The following PSTPIP1 variants were observed in gnomAD, a reference collection of about 807,000 sequenced individuals.
PSTPIP1 encodes proline-serine-threonine phosphatase interacting protein 1.
Under a neutral mutation model 69.6 loss-of-function variants are expected in PSTPIP1, and 66 were observed. That is an observed-to-expected ratio of 0.95 (90% CI 0.78 to 1.16). The LOEUF (loss-of-function observed/expected upper bound fraction) is 1.16. PSTPIP1 is among the 50% of genes most tolerant of loss of function. PSTPIP1 has a pLI of 0.00. For synonymous variants in PSTPIP1, 266 were observed against 222.7 expected, an observed-to-expected ratio of 1.19 and a Z score of -1.73; for missense variants, 603 against 557.4, an observed-to-expected ratio of 1.08 and a Z score of -0.82.
chr15:77,006,323 T>C (rs767080141), intron 1 of PSTPIP1, among the ~76,000 whole-genome samples: 1 of 152,226 alleles, frequency 6.6e-6, no homozygotes, highest in Non-Finnish European at 1.5e-5. Context: ...TGTCTTTTTA[T>C]TGTTGAGTTG....
chr15:77,001,747 G>T (rs188467602), intron 1 of PSTPIP1, among the ~76,000 whole-genome samples: 14 of 152,332 alleles, frequency 9.2e-5, no homozygotes, highest in African/African-American at 3.1e-4. Flanking sequence ...TCGGCAACCC[G>T]TTGTGAAAAG....
At chr15:77,025,215 G>A in intron 3 of PSTPIP1, 69 bp from the exon 4 acceptor site, 1 of 1,516,910 alleles carries the variant, frequency 6.6e-7, no homozygotes, top group Non-Finnish European at 9.2e-7. Flanking sequence ...CACCCCGCCG[G>A]GAGGCAGCCT....
intron 3 of PSTPIP1, among the ~76,000 whole-genome samples, chr15:77,024,799 A>T (rs1031686274): frequency 2.7e-5 from 4 of 150,484 alleles, no homozygotes; most frequent in Non-Finnish European, 4.4e-5. Flanking sequence ...CTGCCCTGCT[A>T]GCCTCTCCCA....
At position 77,027,612 on chromosome 15, in the gene PSTPIP1, C is replaced by T; in HGVS notation, c.355-240C>T. ...GGGAACTCCCCAGCTGGAGACGAAG[C>T]TCTGGCCAAGGTCTGCAGCAAGGAC... On this transcript the variant is annotated intron_variant, in intron 5 of 14. Coordinates refer to ENST00000558012, the MANE Select transcript of PSTPIP1 (RefSeq NM_003978.5). The surrounding 1 kb of genome is among the most constrained non-coding windows in gnomAD (Gnocchi z 4.3). The T allele has an allele frequency of 1.8e-6, 1 of 547,364 alleles. No individual in the cohort carries two copies. Among genetic ancestry groups the T allele is most frequent in the Admixed American group, 2.6e-5 (1 of 38,674 alleles). 33.9% of individuals were successfully genotyped at this position (547,364 alleles called of 1,614,324 possible).
Position 77,032,353 on chromosome 15 carries a change from A to C in PSTPIP1, c.797A>C (p.Asp266Ala). Residue 266 changes from aspartate to alanine, a missense_variant, in exon 11 of 15, where the codon GAC (aspartate) becomes GCC (alanine). Asp to Ala is a moderately radical substitution (Grantham distance 126). Transcript: ENST00000558012. ...LEGCSIDADIDSFIQAKSTGT... is the reference protein window; with the variant it reads ...LEGCSIDADIASFIQAKSTGT... ...GGCTGCAGCATAGACGCCGACATCG[A>C]CAGTTTCATCCAGGCCAAGAGCACG... 1.2e-6 allele frequency: 2 copies of C among 1,612,672 alleles called. No homozygotes were observed. Among genetic ancestry groups the C allele is most frequent in the Non-Finnish European group, 1.7e-6 (2 of 1,179,788 alleles).
upstream of PSTPIP1, chr15:76,995,114 G>C: frequency 3.4e-6 from 4 of 1,177,720 alleles, no homozygotes; most frequent in Admixed American, 3.9e-5. Flanking sequence ...CCTGCCCCGG[G>C]GGAGGTTGCA....
rs2076557282 is a variant in PSTPIP1 at position 77,035,890 on chromosome 15, C to T, written c.1074C>T (p.Ala358=). 3 of 1,610,234 alleles carry T rather than the reference C, an allele frequency of 1.9e-6. No homozygotes were observed. The highest frequency in any genetic ancestry group is 2.5e-6 in the Non-Finnish European group (3 of 1,179,430). ...IAVQEIQGNP[A]SPAQEYRALY... is the part of the protein sequence containing the mutation. The stretch of plus-strand genomic sequence containing the variant: ...TGCAGGAGATACAGGGAAACCCGGC[C>T]TCACCAGCCCAGGAGTACCGGGCGC... Residue 358 remains alanine, a synonymous_variant, in exon 14 of 15, where the codon GCC becomes GCT. Transcript: ENST00000558012.
intron 12 of PSTPIP1, 53 bp downstream of exon 12, chr15:77,033,005 C>T (rs1426246163): frequency 1.3e-5 from 20 of 1,515,064 alleles, no homozygotes; most frequent in Admixed American, 7.7e-5. Context: ...GGAAGTGGGT[C>T]GAGCCCCTCC....
intron 8 of PSTPIP1, 30 bp from the exon 9 acceptor site, chr15:77,030,472 G>A (rs1185660322): frequency 6.2e-7 from 1 of 1,605,752 alleles, no homozygotes; most frequent in Non-Finnish European, 8.5e-7. Context: ...CTCGTGTCAG[G>A]GCCCTCCCTG....
At chr15:77,005,726 G>C (rs1351184357) in intron 1 of PSTPIP1, among the ~76,000 whole-genome samples, 1 of 152,184 alleles carries the variant, frequency 6.6e-6, no homozygotes, top group Non-Finnish European at 1.5e-5. Context: ...TCTCCTGTAA[G>C]TAGAATCAGA....
At position 77,013,999 on chromosome 15, in the gene PSTPIP1, G is replaced by A. The variant is rs75070428; in HGVS notation, c.37-4149G>A. Among the ~76,000 whole-genome samples the A allele has an allele frequency of 7.0e-3, 1,070 of 152,320 alleles. 17 individuals are homozygous for A. The highest frequency in any genetic ancestry group is 0.025 in the African/African-American group (1,023 of 41,564). Reference sequence around the variant, plus strand: ...CAGCTGAGGGAAGGTGTTTCTGGTCGGGGAGGTGGCAGGCAGGCGGGGAGG... The same window carrying A: ...CAGCTGAGGGAAGGTGTTTCTGGTCAGGGAGGTGGCAGGCAGGCGGGGAGG... On this transcript the variant is annotated intron_variant, in intron 1 of 14. Transcript: ENST00000558012.
At position 77,031,309 on chromosome 15, in the gene PSTPIP1, G is replaced by GGT. The variant is rs104895417; in HGVS notation, c.741+32_741+33dup. ...GGCTGAGGGCCTTGGTGTGGGGTAA[G>GGT]GTAGGGCAGCCTCTAGGCAGCAAAG... On this transcript the variant is annotated intron_variant, in intron 10 of 14. Coordinates refer to ENST00000558012, the MANE Select transcript of PSTPIP1 (RefSeq NM_003978.5). 4.2e-3 allele frequency: 6,735 copies of GGT among 1,604,236 alleles called. 25 individuals are homozygous for GGT. The highest frequency in any genetic ancestry group is 5.4e-3 in the Admixed American group (325 of 59,910).
rs746472992 is a variant in PSTPIP1, at chr15:77,018,050, G to A, written c.37-98G>A. On this transcript the variant is annotated intron_variant, in intron 1 of 14. Transcript: ENST00000558012. ...CTGAGCAGGGGAGATGGAGGCAGGA[G>A]GGAGGCTGTTCCCAGAGATGGTGGG... The A allele has an allele frequency of 2.3e-5, 29 of 1,234,304 alleles. 1 individual carries two copies. The highest frequency in any genetic ancestry group is 3.1e-5 in the Non-Finnish European group (27 of 875,684). 76.5% of individuals were successfully genotyped at this position (1,234,304 alleles called of 1,614,324 possible).
At chr15:77,024,984 C>G (rs969226740) in intron 3 of PSTPIP1, among the ~76,000 whole-genome samples, 1 of 152,156 alleles carries the variant, frequency 6.6e-6, no homozygotes, top group Non-Finnish European at 1.5e-5. Context: ...AGACAATCCC[C>G]TCTTCTCTAA....
intron 1 of PSTPIP1, among the ~76,000 whole-genome samples, chr15:77,009,379 C>G (rs998388083): frequency 6.6e-6 from 1 of 152,202 alleles, no homozygotes; most frequent in Non-Finnish European, 1.5e-5. Flanking sequence ...CCCAGGGGAG[C>G]CTGCCAGCCC....
At chr15:77,022,642 T>A (rs1306058600) in intron 3 of PSTPIP1, among the ~76,000 whole-genome samples, 1 of 152,208 alleles carries the variant, frequency 6.6e-6, no homozygotes, top group Non-Finnish European at 1.5e-5. Context: ...GGCTGTTCAC[T>A]TTGGGGGTTC....
intron 1 of PSTPIP1, 133 bp from the exon 2 acceptor site, chr15:77,018,015 A>G (rs769328313): frequency 5.2e-5 from 44 of 848,300 alleles, no homozygotes; most frequent in Non-Finnish European, 7.3e-5. Context: ...TGGAGTCCCA[A>G]GAGCTTGCCC....
chr15:77,028,738 G>C, intron 7 of PSTPIP1, 86 bp downstream of exon 7: 1 of 1,122,456 alleles, frequency 8.9e-7, no homozygotes, highest in South Asian at 1.7e-5. Flanking sequence ...ACACCCCCAG[G>C]CAAGATCTGC....
chr15:77,026,455 A>C (rs891146531), intron 5 of PSTPIP1, among the ~76,000 whole-genome samples: 6 of 152,228 alleles, frequency 3.9e-5, no homozygotes, highest in Non-Finnish European at 7.3e-5. Flanking sequence ...GAAGGGGAAG[A>C]AGCTGTACCT....
Sources: gnomAD v4.1 joint callset for allele counts (sites outside exome capture counted in the v4.1 genomes callset) on GRCh38, gnomAD v4.1.1 for gene constraint, Gnocchi (gnomAD v3.1) non-coding constraint, MANE v1.5 for transcripts, NCBI Gene and HGNC (gene_info 2026-07-23, HGNC 2026-07-21) for gene names.